B3GALT1: variants seen among roughly 807,000 people sequenced by gnomAD.
The protein encoded by B3GALT1 is beta-1,3-galactosyltransferase 1, also known as UDP-Gal:betaGlcNAc beta 1,3-galactosyltransferase, polypeptide 1.
A neutral mutation model predicts 23.2 loss-of-function variants in B3GALT1; 10 were observed. The ratio of observed to expected loss-of-function variants is 0.43; its 90% CI spans 0.27 to 0.73. The LOEUF is 0.73. Among genes scored for constraint, B3GALT1 ranks in the 30% least tolerant of loss-of-function variants. B3GALT1 has a pLI of 0.21. For missense variants in B3GALT1, 299 were observed against 405.4 expected, an observed-to-expected ratio of 0.74 and a Z score of 2.25; for synonymous variants, 156 against 141.5, an observed-to-expected ratio of 1.10 and a Z score of -0.73.
At chr2:167,512,644 A>T (rs1323540243) in intron 2 of B3GALT1, among the ~76,000 whole-genome samples, 6 of 126,730 alleles carry the variant, frequency 4.7e-5, no homozygotes, top group South Asian at 2.5e-4. Context: ...ATACATATAT[A>T]TATATATTTT....
At chr2:167,858,805 A>G (rs1690046314) in intron 4 of B3GALT1, among the ~76,000 whole-genome samples, 1 of 152,198 alleles carries the variant, frequency 6.6e-6, no homozygotes, top group African/African-American at 2.4e-5. Context: ...AACAAAAGAA[A>G]AATCGCCAAG....
At chr2:167,531,669 T>C (rs1420328653) in intron 2 of B3GALT1, among the ~76,000 whole-genome samples, 3 of 152,196 alleles carry the variant, frequency 2.0e-5, no homozygotes, top group African/African-American at 7.2e-5. Flanking sequence ...TTCTGCACTT[T>C]ATTTCTTTCT....
intron 3 of B3GALT1, among the ~76,000 whole-genome samples, chr2:167,800,649 C>T (rs748725160): frequency 6.6e-6 from 1 of 152,190 alleles, no homozygotes; most frequent in Non-Finnish European, 1.5e-5. Context: ...TATTGGACAG[C>T]CTTTGGAAAC....
At chr2:167,779,949 T>C (rs540068052) in intron 3 of B3GALT1, among the ~76,000 whole-genome samples, 16 of 152,300 alleles carry the variant, frequency 1.1e-4, no homozygotes, top group African/African-American at 3.6e-4. Flanking sequence ...ACATCCAGCA[T>C]TTTAAAATGT....
chr2:167,402,743 G>GT (rs760468508), intron 1 of B3GALT1, among the ~76,000 whole-genome samples: 10 of 152,200 alleles, frequency 6.6e-5, no homozygotes, highest in East Asian at 1.9e-4. Flanking sequence ...TAATTAGGCT[G>GT]TTGGAAGTGA....
intron 1 of B3GALT1, among the ~76,000 whole-genome samples, chr2:167,467,009 T>TGCTC (rs758767736): frequency 4.0e-5 from 6 of 151,406 alleles, no homozygotes; most frequent in Non-Finnish European, 5.9e-5. Flanking sequence ...ATTACAGGTG[T>TGCTC]GAGCCACAAC....
At chr2:167,691,466 T>TC (rs1380319811) in intron 3 of B3GALT1, among the ~76,000 whole-genome samples, 3 of 152,196 alleles carry the variant, frequency 2.0e-5, no homozygotes, top group East Asian at 1.9e-4. Flanking sequence ...CTGTATTTTT[T>TC]CACATTTAGT....
chr2:167,714,744 C>T, intron 3 of B3GALT1: 1 of 1,613,826 alleles, frequency 6.2e-7, no homozygotes, highest in Non-Finnish European at 8.5e-7. Flanking sequence ...CTCTCCAATT[C>T]TTCTTCAAGA....
chr2:167,775,546 A>G (rs1429696324), intron 3 of B3GALT1, among the ~76,000 whole-genome samples: 33 of 148,802 alleles, frequency 2.2e-4, no homozygotes, highest in Admixed American at 2.1e-3. Flanking sequence ...TCTAGCTGGG[A>G]CAACAGAGTG....
chr2:167,296,500 C>G (rs952062863), intron 1 of B3GALT1, among the ~76,000 whole-genome samples: 3 of 152,112 alleles, frequency 2.0e-5, no homozygotes, highest in African/African-American at 7.2e-5. Flanking sequence ...TTCGCTCTCT[C>G]TCACCACACA....
chr2:167,491,585 C>G (rs1351222175), intron 2 of B3GALT1, among the ~76,000 whole-genome samples: 8 of 147,918 alleles, frequency 5.4e-5, no homozygotes, highest in African/African-American at 2.0e-4. Context: ...GAGGCCGAGG[C>G]GGGCAGATCA....
chr2:167,527,104 G>A (rs947197990), intron 2 of B3GALT1, among the ~76,000 whole-genome samples: 1 of 151,934 alleles, frequency 6.6e-6, no homozygotes, highest in Non-Finnish European at 1.5e-5. Context: ...CATATCCTAT[G>A]ATATGATGTT....
In B3GALT1 at chr2:167,748,480, T is replaced by C. The variant is rs559458868; in HGVS notation, c.-351-70192T>C. Among the ~76,000 whole-genome samples, 7 of 152,310 alleles carry C rather than the reference T, an allele frequency of 4.6e-5. No individual in the cohort carries two copies. In the South Asian group the frequency reaches 1.5e-3, roughly 32 times the overall value. ...TTTTCCTGAGATTATTCTTTTCAGG[T>C]CAGGATCTCTCCTTGTCATGGTAAA... On this transcript the variant is annotated intron_variant, in intron 3 of 4. Coordinates refer to ENST00000392690, the MANE Select transcript of B3GALT1 (RefSeq NM_020981.4).
chr2:167,531,497 C>T (rs1308054476), intron 2 of B3GALT1, among the ~76,000 whole-genome samples: 2 of 152,060 alleles, frequency 1.3e-5, no homozygotes, highest in Non-Finnish European at 2.9e-5. Flanking sequence ...AAGCCAGTCA[C>T]AAAAGGCATA....
chr2:167,761,016 G>C, intron 3 of B3GALT1, among the ~76,000 whole-genome samples: 1 of 152,164 alleles, frequency 6.6e-6, no homozygotes, highest in East Asian at 1.9e-4. Context: ...ACATGTGCCT[G>C]TTTGACCTTA....
At position 167,348,402 on chromosome 2, in the gene B3GALT1, A is replaced by G. The variant is rs141710495; in HGVS notation, c.-511+55068A>G. Among the ~76,000 whole-genome samples the G allele has an allele frequency of 1.1e-4, 17 of 152,250 alleles. No homozygotes were observed. The East Asian group carries it at 3.1e-3, about 28-fold the overall frequency. On this transcript the variant is annotated intron_variant, in intron 1 of 4. Coordinates refer to ENST00000392690, the MANE Select transcript of B3GALT1 (RefSeq NM_020981.4). ...TTCTTTTTGAGCATTACTACCTTTA[A>G]TTGCATAGAATATTTTCATGCATAG... is the stretch of plus-strand genomic sequence containing the variant.
chr2:167,494,088 AT>A (rs1699745605), intron 2 of B3GALT1, among the ~76,000 whole-genome samples: 1 of 152,176 alleles, frequency 6.6e-6, no homozygotes, highest in African/African-American at 2.4e-5. Context: ...TTTATGGCCC[AT>A]TATAGTTGTA....
chr2:167,642,358 A>C (rs1685667866), intron 2 of B3GALT1, among the ~76,000 whole-genome samples: 1 of 152,236 alleles, frequency 6.6e-6, no homozygotes, highest in South Asian at 2.1e-4. Flanking sequence ...CAGTATAAAA[A>C]GTAAAAATTT....
intron 3 of B3GALT1, among the ~76,000 whole-genome samples, chr2:167,757,920 C>T (rs1687842869): frequency 6.6e-6 from 1 of 152,154 alleles, no homozygotes; most frequent in African/African-American, 2.4e-5. Flanking sequence ...AGTGTTGTAA[C>T]TCATTTGCTA....
Sources: gnomAD v4.1 joint callset for allele counts (sites outside exome capture counted in the v4.1 genomes callset) on GRCh38, gnomAD v4.1.1 for gene constraint, MANE v1.5 for transcripts, NCBI Gene and HGNC (gene_info 2026-07-23, HGNC 2026-07-21) for gene names.